TASP1: variants seen among roughly 807,000 people sequenced by gnomAD.
The protein encoded by TASP1 is taspase 1.
Under a neutral mutation model 56.6 loss-of-function variants are expected in TASP1, and 16 were observed. The observed-to-expected ratio is 0.28, with a 90% confidence interval of 0.19 to 0.43. The LOEUF is 0.43. TASP1 is among the 20% of genes least tolerant of loss of function. The pLI is 1.00. For synonymous variants in TASP1, 179 were observed against 184.2 expected, an observed-to-expected ratio of 0.97 and a Z score of 0.23; for missense variants, 393 against 511.6, an observed-to-expected ratio of 0.77 and a Z score of 2.24.
the TASP1 span, among the ~76,000 whole-genome samples, chr20:13,242,557 A>G: frequency 1.3e-5 from 2 of 152,160 alleles, no homozygotes; most frequent in African/African-American, 2.4e-5. Flanking sequence ...GCTGAGTCCA[A>G]TTAAGTGTTC....
At chr20:13,326,961 A>G in the TASP1 span, among the ~76,000 whole-genome samples, 496 of 152,342 alleles carry the variant, frequency 3.3e-3, 3 homozygotes, top group African/African-American at 0.011. Flanking sequence ...AGTTCTGGCC[A>G]GGACAATCAG....
the TASP1 span, chr20:13,222,045 T>A: frequency 1.1e-6 from 1 of 920,118 alleles, no homozygotes; most frequent in Non-Finnish European, 1.4e-6. Flanking sequence ...GTTTTGGCAG[T>A]AGTTTTGCCC....
the TASP1 span, chr20:13,221,796 AGCTGCTGCTGCTGCTGGG>A: frequency 2.1e-6 from 3 of 1,450,600 alleles, no homozygotes; most frequent in Admixed American, 2.5e-5. Context: ...CTGGCGGCCG[AGCTGCTGCTGCTGCTGGG>A]GCTGCTGCTG....
intron 10 of TASP1, among the ~76,000 whole-genome samples, chr20:13,516,590 T>C (rs1431125763): frequency 6.6e-6 from 1 of 150,724 alleles, no homozygotes; most frequent in Non-Finnish European, 1.5e-5. Flanking sequence ...GTGAGAACAA[T>C]CAAAGGGAGA....
the TASP1 span, among the ~76,000 whole-genome samples, chr20:13,179,406 C>CGTGTGTGTGTGTGT: frequency 0.014 from 2,040 of 143,480 alleles, 42 homozygotes; most frequent in African/African-American, 0.04. Context: ...GAATTATGTG[C>CGTGTGTGTGTGTGT]GTGTGTGTGT....
At chr20:13,156,240 A>G in the TASP1 span, among the ~76,000 whole-genome samples, 2 of 152,236 alleles carry the variant, frequency 1.3e-5, no homozygotes, top group Non-Finnish European at 2.9e-5. Context: ...CTGGAGTGTT[A>G]CAATGACAGT....
the TASP1 span, among the ~76,000 whole-genome samples, chr20:13,316,743 A>T: frequency 2.1e-5 from 3 of 141,904 alleles, no homozygotes; most frequent in South Asian, 4.3e-4. Flanking sequence ...CATTCATTAT[A>T]AAAAAAAAAA....
At chr20:13,120,435 A>T in the TASP1 span, among the ~76,000 whole-genome samples, 5 of 152,198 alleles carry the variant, frequency 3.3e-5, no homozygotes, top group Admixed American at 2.6e-4. Flanking sequence ...CACTGTTCTC[A>T]TAGGGTTCTC....
the TASP1 span, among the ~76,000 whole-genome samples, chr20:13,339,335 A>T: frequency 6.6e-6 from 1 of 152,194 alleles, no homozygotes; most frequent in Non-Finnish European, 1.5e-5. Context: ...AAATCAAGCC[A>T]CATTTTTACC....
the TASP1 span, among the ~76,000 whole-genome samples, chr20:13,381,685 C>G: frequency 6.6e-6 from 1 of 152,200 alleles, no homozygotes; most frequent in South Asian, 2.1e-4. Context: ...TCTCCACACT[C>G]TGTTTTAGAT....
At position 13,626,540 on chromosome 20, in the gene TASP1, A is replaced by G. The variant is rs139854235; in HGVS notation, c.146-1288T>C. On this transcript the variant is annotated intron_variant, in intron 2 of 13. Coordinates refer to ENST00000337743, the MANE Select transcript of TASP1 (RefSeq NM_017714.3). The stretch of plus-strand genomic sequence containing the variant: ...GTCTGCAGACTCTGACACAAACCTA[A>G]CCTACCTTTCCTCAAGGTAGAGAAA... Among the ~76,000 whole-genome samples the G allele has an allele frequency of 1.1e-3, 175 of 152,266 alleles. 1 individual carries two copies. Among genetic ancestry groups the G allele is most frequent in the Middle Eastern group, 3.4e-3 (1 of 294 alleles).
intron 8 of TASP1, among the ~76,000 whole-genome samples, chr20:13,552,988 T>G (rs867260505): frequency 6.6e-6 from 1 of 152,092 alleles, no homozygotes; most frequent in South Asian, 2.1e-4. Flanking sequence ...CAGGCTGGAG[T>G]GCAGTAGCAT....
the TASP1 span, among the ~76,000 whole-genome samples, chr20:13,141,394 T>A: frequency 6.6e-6 from 1 of 152,192 alleles, no homozygotes; most frequent in East Asian, 1.9e-4. Flanking sequence ...AAAACCATGA[T>A]AATTCACACT....
At chr20:13,588,094 A>G (rs2047373683) in intron 4 of TASP1, among the ~76,000 whole-genome samples, 1 of 152,124 alleles carries the variant, frequency 6.6e-6, no homozygotes, top group South Asian at 2.1e-4. Context: ...CCAAAAAAAA[A>G]GTCCAGAGTT....
intron 6 of TASP1, among the ~76,000 whole-genome samples, chr20:13,578,097 T>C (rs759729936): frequency 6.6e-6 from 1 of 152,174 alleles, no homozygotes; most frequent in South Asian, 2.1e-4. Context: ...CAACTGGCTG[T>C]TTATGTTCCC....
the TASP1 span, among the ~76,000 whole-genome samples, chr20:13,268,111 C>T: frequency 0.067 from 10,033 of 148,832 alleles, 422 homozygotes; most frequent in Non-Finnish European, 0.1. Flanking sequence ...TCTCTCCTCT[C>T]CTGTCTTCTC....
the TASP1 span, among the ~76,000 whole-genome samples, chr20:13,235,195 G>T: frequency 6.6e-6 from 1 of 152,176 alleles, no homozygotes; most frequent in African/African-American, 2.4e-5. Context: ...TATGGATTGG[G>T]TCTAGGTTTA....
At chr20:13,384,731 TC>T (rs1229596767), downstream of TASP1, among the ~76,000 whole-genome samples, 1 of 152,222 alleles carries the variant, frequency 6.6e-6, no homozygotes, top group Non-Finnish European at 1.5e-5. Context: ...TACTCATACT[TC>T]CTTCCCCTGG....
At chr20:13,193,034 T>C in the TASP1 span, among the ~76,000 whole-genome samples, 1 of 152,178 alleles carries the variant, frequency 6.6e-6, no homozygotes, top group Non-Finnish European at 1.5e-5. Flanking sequence ...AAACACAGAC[T>C]GAGATTAGCT....
Sources: gnomAD v4.1 joint callset for allele counts (sites outside exome capture counted in the v4.1 genomes callset) on GRCh38, gnomAD v4.1.1 for gene constraint, MANE v1.5 for transcripts, NCBI Gene and HGNC (gene_info 2026-07-23, HGNC 2026-07-21) for gene names.